Variants in IL1RL2 observed in about 807,000 individuals in gnomAD.
IL1RL2 encodes interleukin 1 receptor like 2.
IL1RL2 carries 68 observed loss-of-function variants against 66.8 expected under a neutral mutation model. That is an observed-to-expected ratio of 1.02 (90% CI 0.84 to 1.25). IL1RL2 has a LOEUF of 1.25. Ranked by LOEUF, IL1RL2 falls within the 50% of genes most tolerant of loss-of-function variation. The probability of loss-of-function intolerance (pLI) is 0.00; values close to 1 mark genes in which losing one functional copy is unlikely to be tolerated. For synonymous variants in IL1RL2, 305 were observed against 264.6 expected, an observed-to-expected ratio of 1.15 and a Z score of -1.48; for missense variants, 729 against 709.3, an observed-to-expected ratio of 1.03 and a Z score of -0.32.
intron 6 of IL1RL2, among the ~76,000 whole-genome samples, chr2:102,218,364 T>C (rs1279482653): frequency 6.6e-6 from 1 of 152,194 alleles, no homozygotes; most frequent in Non-Finnish European, 1.5e-5. Context: ...CAAAGTCCAC[T>C]GAGACTATAA....
chr2:102,234,236 C>A (rs570638966), intron 10 of IL1RL2, among the ~76,000 whole-genome samples: 3 of 152,362 alleles, frequency 2.0e-5, no homozygotes, highest in African/African-American at 4.8e-5. Context: ...CTTTTAAAAT[C>A]TATTTTTAAA....
rs142080534 is a variant in IL1RL2, at chr2:102,201,646, G to A, written c.580G>A (p.Ala194Thr). The change falls in exon 5 of 12, where the codon GCG becomes ACG. Residue 194 changes from alanine to threonine, a missense_variant. Physicochemically the swap from Ala to Thr is moderately conservative, Grantham distance 58. Transcript: ENST00000264257. ...CTCGGCAGAGGACAGAGGGAACTAC[G>A]CGTGTCAAGCCATACTGACACACTC... Reference protein sequence around the residue: ...NVSAEDRGNYACQAILTHSGK... With the variant: ...NVSAEDRGNYTCQAILTHSGK... 1.9e-5 allele frequency: 30 copies of A among 1,614,084 alleles called. No homozygotes were observed. In the African/African-American group the frequency reaches 2.9e-4, roughly 16 times the overall value.
chr2:102,229,921 C>T (rs949907043), intron 9 of IL1RL2, among the ~76,000 whole-genome samples: 2 of 152,124 alleles, frequency 1.3e-5, no homozygotes, highest in African/African-American at 4.8e-5. Flanking sequence ...AGGGAACATT[C>T]GCAAAAGAGA....
intron 4 of IL1RL2, 72 bp downstream of exon 4, chr2:102,192,192 T>A: frequency 9.2e-7 from 1 of 1,082,290 alleles, no homozygotes; most frequent in South Asian, 1.7e-5. Context: ...TAGGTTAAGT[T>A]GTATTTTTTA....
chr2:102,235,354 G>A lies in IL1RL2; in HGVS notation c.1678+77G>A, dbSNP rs1213454895. 6 of 1,549,218 alleles carry A rather than the reference G, an allele frequency of 3.9e-6. No individual in the cohort carries two copies. In the African/African-American group the frequency reaches 6.8e-5, roughly 18 times the overall value. On this transcript the variant is annotated intron_variant, in intron 11 of 11. Coordinates refer to ENST00000264257, the MANE Select transcript of IL1RL2 (RefSeq NM_003854.4). ...CATTGCGTGGTGGCTCACAGCTGGAGGAGGACACGTTTCATCGGGGCCGTC... is the reference window on the plus strand; with the variant it reads ...CATTGCGTGGTGGCTCACAGCTGGAAGAGGACACGTTTCATCGGGGCCGTC...
chr2:102,217,357 G>A (rs1293733350), intron 6 of IL1RL2, among the ~76,000 whole-genome samples: 1 of 152,096 alleles, frequency 6.6e-6, no homozygotes, highest in Non-Finnish European at 1.5e-5. Context: ...CAGATTCAAT[G>A]CAATCCCTAC....
chr2:102,229,867 A>G (rs1386930669), intron 9 of IL1RL2, among the ~76,000 whole-genome samples: 4 of 152,232 alleles, frequency 2.6e-5, no homozygotes, highest in African/African-American at 9.6e-5. Context: ...TTGGAGAGCA[A>G]CAAGTACCTA....
intron 5 of IL1RL2, among the ~76,000 whole-genome samples, chr2:102,202,051 G>A (rs577725683): frequency 6.6e-6 from 1 of 152,276 alleles, no homozygotes. Context: ...GAACATGACT[G>A]TCATTCACCT....
At chr2:102,187,991 G>C (rs1686845234) in intron 2 of IL1RL2, 66 bp downstream of exon 2, 4 of 1,489,778 alleles carry the variant, frequency 2.7e-6, no homozygotes, top group South Asian at 1.1e-5. Flanking sequence ...CCTGTCATTG[G>C]GAGCCCCCGG....
intron 9 of IL1RL2, among the ~76,000 whole-genome samples, chr2:102,231,564 GT>G (rs11410839): frequency 7.4e-5 from 11 of 149,598 alleles, no homozygotes; most frequent in Admixed American, 1.3e-4. Context: ...TTCATTGTGA[GT>G]TTTTTTTTTC....
chr2:102,214,396 A>G (rs1342245232), intron 6 of IL1RL2, among the ~76,000 whole-genome samples: 1 of 152,214 alleles, frequency 6.6e-6, no homozygotes, highest in Non-Finnish European at 1.5e-5. Context: ...ACATGCCTGA[A>G]ATAGCATATA....
In IL1RL2 at chr2:102,188,010, T is replaced by A. The variant is rs949370681; in HGVS notation, c.58+85T>A. 2.5e-4 allele frequency: 352 copies of A among 1,386,564 alleles called. 1 individual carries two copies. Among genetic ancestry groups the A allele is most frequent in the Admixed American group, 4.7e-4 (28 of 59,452 alleles). The allele number at this position is 1,386,564 out of a possible 1,614,324, so 85.9% of individuals were successfully genotyped here. On this transcript the variant is annotated intron_variant, in intron 2 of 11. Coordinates refer to ENST00000264257, the MANE Select transcript of IL1RL2 (RefSeq NM_003854.4). ...TCATTGGGAGCCCCCGGGGATCGCG[T>A]CAGCCCGAGCGCGGCTCCTTCCCCT...
At chr2:102,189,435 AC>A in intron 3 of IL1RL2, 125 bp downstream of exon 3, 1 of 646,516 alleles carries the variant, frequency 1.5e-6, no homozygotes, top group Non-Finnish European at 2.6e-6. Flanking sequence ...TATAATTGCT[AC>A]AAGACAATTT....
chr2:102,236,940 A>T (rs906153946), intron 11 of IL1RL2, among the ~76,000 whole-genome samples: 1 of 152,248 alleles, frequency 6.6e-6, no homozygotes, highest in Non-Finnish European at 1.5e-5. Flanking sequence ...AGAATTTACC[A>T]ACAGTGCTGG....
intron 4 of IL1RL2, among the ~76,000 whole-genome samples, chr2:102,195,627 T>TTCTTTCTC (rs1559530270): frequency 1.7e-3 from 25 of 14,630 alleles, no homozygotes; most frequent in East Asian, 4.3e-3. Flanking sequence ...CTTTCTTTCT[T>TTCTTTCTC]TCTCTCTCTC....
intron 1 of IL1RL2, chr2:102,187,312 T>C: frequency 8.5e-7 from 1 of 1,174,132 alleles, no homozygotes; most frequent in African/African-American, 1.6e-5. Flanking sequence ...CTCCCTGCCT[T>C]CCTTTCTCCT....
chr2:102,235,041 T>G lies in IL1RL2; in HGVS notation c.1442T>G (p.Met481Arg), dbSNP rs778978266. 6.2e-7 allele frequency: 1 copy of G among 1,614,132 alleles called. No individual in the cohort carries two copies. Among genetic ancestry groups the G allele is most frequent in the Non-Finnish European group, 8.5e-7 (1 of 1,180,028 alleles). Residue 481 changes from methionine (M) to arginine (R), a missense_variant, in exon 11 of 12, where the codon ATG becomes AGG. Physicochemically the swap from Met to Arg is moderately conservative, Grantham distance 91. Transcript: ENST00000264257. ...TACAGTGCCCTGATCCAGGACGGGATGAAGGTTATTCTCATTGAGCTGGAG... is the reference window on the plus strand; with the variant it reads ...TACAGTGCCCTGATCCAGGACGGGAGGAAGGTTATTCTCATTGAGCTGGAG... ...AVYSALIQDG[M>R]KVILIELEKI...
At chr2:102,212,484 TA>T (rs1403562488) in intron 6 of IL1RL2, among the ~76,000 whole-genome samples, 1 of 152,152 alleles carries the variant, frequency 6.6e-6, no homozygotes, top group African/African-American at 2.4e-5. Flanking sequence ...TAATATAATA[TA>T]AAACTACTAT....
At chr2:102,197,187 C>G (rs964497196) in intron 4 of IL1RL2, among the ~76,000 whole-genome samples, 1 of 152,146 alleles carries the variant, frequency 6.6e-6, no homozygotes, top group Admixed American at 6.5e-5. Flanking sequence ...GTAGTGGTAC[C>G]AAGACCCCTG....
Sources: allele counts gnomAD v4.1 joint callset (sites outside exome capture counted in the v4.1 genomes callset), GRCh38; gene constraint gnomAD v4.1.1; transcripts MANE v1.5; gene names NCBI Gene and HGNC (gene_info 2026-07-23, HGNC 2026-07-21).